The following GPR37 variants were observed in gnomAD, a reference collection of about 807,000 sequenced individuals.
GPR37 encodes prosaposin receptor GPR37.
GPR37 carries 20 observed loss-of-function variants against 43.6 expected under a neutral mutation model. The ratio of observed to expected loss-of-function variants is 0.46; its 90% confidence interval spans 0.32 to 0.67. The LOEUF (loss-of-function observed/expected upper bound fraction) is 0.67, where lower values mean the gene tolerates loss of function less well. GPR37 is among the 30% of genes least tolerant of loss of function. GPR37 has a pLI of 0.03. For missense variants in GPR37, 724 were observed against 797.2 expected, an observed-to-expected ratio of 0.91 and a Z score of 1.11; for synonymous variants, 315 against 322.6, an observed-to-expected ratio of 0.98 and a Z score of 0.25.
chr7:124,764,456 G>C lies in GPR37; in HGVS notation c.521C>G (p.Pro174Arg). 5 of 1,613,698 alleles carry C rather than the reference G, an allele frequency of 3.1e-6. No individual in the cohort carries two copies. The highest frequency in any genetic ancestry group is 3.4e-6 in the Non-Finnish European group (4 of 1,180,030). The change falls in exon 1 of 2, where the codon CCC becomes CGC. Residue 174 changes from proline to arginine, a missense_variant. Pro to Arg is a moderately radical substitution (Grantham distance 103). Coordinates refer to ENST00000303921, the MANE Select transcript of GPR37 (RefSeq NM_005302.5). The surrounding 1 kb of genome is among the most constrained non-coding windows in gnomAD (Gnocchi z 5.4). Reference protein sequence around the residue: ...RSQEQSVKTVPGASDLFYWPR... With the variant: ...RSQEQSVKTVRGASDLFYWPR... ...CCAGTAAAAAAGATCGCTGGCTCCG[G>C]GGACTGTCTTCACACTCTGCTCCTG...
At chr7:124,747,829 A>G (rs1265955639) in intron 1 of GPR37, among the ~76,000 whole-genome samples, 1 of 152,168 alleles carries the variant, frequency 6.6e-6, no homozygotes, top group African/African-American at 2.4e-5. Flanking sequence ...ATTGTCTCCA[A>G]TGGACTAAAT....
chr7:124,756,806 A>G (rs1302613347), intron 1 of GPR37, among the ~76,000 whole-genome samples: 3 of 152,192 alleles, frequency 2.0e-5, no homozygotes, highest in African/African-American at 4.8e-5. Flanking sequence ...TGTGCTTCCA[A>G]TGGGATACTG....
At position 124,765,073 on chromosome 7, in the gene GPR37, TACTC is replaced by T. The variant is rs1793904413; in HGVS notation, c.-101_-98del. Reference sequence around the variant, plus strand: ...TGCTGAGAGTTAGGCACATGTCACATACTCACCCCCGCCCGGGTAGCGGGGAACC... The same window carrying T: ...TGCTGAGAGTTAGGCACATGTCACATACCCCCGCCCGGGTAGCGGGGAACC... On this transcript the variant is annotated 5_prime_UTR_variant, in exon 1 of 2. Transcript: ENST00000303921. 10 of 1,157,004 alleles carry T rather than the reference TACTC, an allele frequency of 8.6e-6. No homozygotes were observed. Among genetic ancestry groups the T allele is most frequent in the Admixed American group, 6.8e-5 (2 of 29,514 alleles). 71.7% of individuals were successfully genotyped at this position (1,157,004 alleles called of 1,614,324 possible).
At chr7:124,763,389 TTAAAC>T (rs1442717664) in intron 1 of GPR37, among the ~76,000 whole-genome samples, 6 of 152,166 alleles carry the variant, frequency 3.9e-5, no homozygotes, top group Non-Finnish European at 8.8e-5. Flanking sequence ...AGTCAGACAC[TTAAAC>T]TAATTTGAGA....
rs1562961018 is a variant in GPR37, at chr7:124,764,521, T to A, written c.456A>T (p.Glu152Asp). Residue 152 changes from glutamate to aspartate, a missense_variant, in exon 1 of 2, where the codon GAA becomes GAT. By Grantham distance (45) the Glu-to-Asp change is conservative. Around this residue, in one of 2 missense-constraint regions of GPR37, gnomAD observed 382 missense variants for 355.4 expected, o/e 1.07. Coordinates refer to ENST00000303921, the MANE Select transcript of GPR37 (RefSeq NM_005302.5). This position sits in a 1 kb window ranked among gnomAD's most constrained non-coding sequence, Gnocchi z 5.4. ...TGCCAGCGCCTCTGGGACCCTTCTC[T>A]TCCTCCTCTGAGATCTGAAGGAAGA... ...LQLFLQISEE[E>D]EKGPRGAGIS... 8 of 1,613,598 alleles carry A rather than the reference T, an allele frequency of 5.0e-6. No individual in the cohort carries two copies. Among genetic ancestry groups the A allele is most frequent in the Non-Finnish European group, 6.8e-6 (8 of 1,180,018 alleles).
chr7:124,752,263 G>C (rs1793742504), intron 1 of GPR37, among the ~76,000 whole-genome samples: 1 of 152,098 alleles, frequency 6.6e-6, no homozygotes, highest in African/African-American at 2.4e-5. Context: ...AGAGACCACT[G>C]CATTAGCACA....
At position 124,765,243 on chromosome 7, in the gene GPR37, T is replaced by C. The variant is rs549739849; in HGVS notation, c.-267A>G. The C allele has an allele frequency of 6.0e-5, 24 of 399,306 alleles. No homozygotes were observed. The highest frequency in any genetic ancestry group is 3.7e-4 in the African/African-American group (18 of 48,458). The allele number at this position is 399,306 out of a possible 1,614,324, so 24.7% of individuals were successfully genotyped here. On this transcript the variant is annotated 5_prime_UTR_variant, in exon 1 of 2. Coordinates refer to ENST00000303921, the MANE Select transcript of GPR37 (RefSeq NM_005302.5). ...TGCCCTCCAAGGTTCCTAGAGGGAA[T>C]AGGCTACTCCCGGTGGCTGACCTTG...
At chr7:124,749,566 C>T (rs144197598) in intron 1 of GPR37, among the ~76,000 whole-genome samples, 155 of 152,260 alleles carry the variant, frequency 1.0e-3, no homozygotes, top group African/African-American at 3.1e-3. Context: ...CCCAGAGCTA[C>T]GGCAACTTGC....
rs753282554 is a variant in GPR37, at chr7:124,764,351, C to A, written c.626G>T (p.Gly209Val). 2 of 1,613,194 alleles carry A rather than the reference C, an allele frequency of 1.2e-6. No homozygotes were observed. Among genetic ancestry groups the A allele is most frequent in the Admixed American group, 1.7e-5 (1 of 60,004 alleles). The change falls in exon 1 of 2, where the codon GGG becomes GTG. Residue 209 changes from glycine (G) to valine (V), a missense_variant. By Grantham distance (109) the Gly-to-Val change is moderately radical (BLOSUM62 -3). Around this residue, in one of 2 missense-constraint regions of GPR37, gnomAD observed 382 missense variants for 355.4 expected, o/e 1.07. Transcript: ENST00000303921. This position sits in a 1 kb window ranked among gnomAD's most constrained non-coding sequence, Gnocchi z 5.4. ...CCGGCCCGGGAGTGCAATTGTCCAC[C>A]CTTCGTGCCCCGCCAGTCCATTGGC... ...KTANGLAGHE[G>V]WTIALPGRAL... is the part of the protein sequence containing the mutation.
In GPR37 at chr7:124,764,595, G is replaced by C. The variant is rs1279202889; in HGVS notation, c.382C>G (p.Gln128Glu). The change falls in exon 1 of 2, where the codon CAG (glutamine) becomes GAG (glutamate). Residue 128 changes from glutamine to glutamate, a missense_variant. Transcript: ENST00000303921. The surrounding 1 kb of genome is among the most constrained non-coding windows in gnomAD (Gnocchi z 5.4). ...CTCCCCAAAGTTTCAGAAGGCTCCT[G>C]ACCCCGAGCACCTTTCCACCTCCAG... ...GPWRWKGARG[Q>E]EPSETLGRGN... 1 of 1,607,120 alleles carries C rather than the reference G, an allele frequency of 6.2e-7. No individual in the cohort carries two copies. Among genetic ancestry groups the C allele is most frequent in the South Asian group, 1.1e-5 (1 of 90,706 alleles).
chr7:124,761,823 A>G (rs1416336038), intron 1 of GPR37, among the ~76,000 whole-genome samples: 1 of 152,230 alleles, frequency 6.6e-6, no homozygotes, highest in East Asian at 1.9e-4. Context: ...ATTTCAGAGT[A>G]ATAAGGATTA....
In GPR37 at chr7:124,746,854, T is replaced by C. The variant is rs1793677300; in HGVS notation, c.1513A>G (p.Ile505Val). ...ATGTTGCAGATATTTTCAGGAATAA[T>C]GCAAAATCCATATAAAATGGTCAGT... ...VALTILYGFC[I>V]IPENICNIVT... The change falls in exon 2 of 2, where the codon ATT becomes GTT. Residue 505 changes from isoleucine (I) to valine (V), a missense_variant. Around this residue, in one of 2 missense-constraint regions of GPR37, gnomAD observed 342 missense variants for 441.8 expected, o/e 0.77. Coordinates refer to ENST00000303921, the MANE Select transcript of GPR37 (RefSeq NM_005302.5). 17 of 1,613,974 alleles carry C rather than the reference T, an allele frequency of 1.1e-5. No individual in the cohort carries two copies. The highest frequency in any genetic ancestry group is 1.3e-5 in the African/African-American group (1 of 74,912).
In GPR37 at chr7:124,764,469, C is replaced by T. The variant is rs2116330540; in HGVS notation, c.508G>A (p.Val170Met). ...GISGRSQEQS[V>M]KTVPGASDLF... ...TCGCTGGCTCCGGGGACTGTCTTCA[C>T]ACTCTGCTCCTGGCTACGCCCGGAA... Residue 170 changes from valine to methionine, a missense_variant, in exon 1 of 2, where the codon GTG becomes ATG. Coordinates refer to ENST00000303921, the MANE Select transcript of GPR37 (RefSeq NM_005302.5). This position sits in a 1 kb window ranked among gnomAD's most constrained non-coding sequence, Gnocchi z 5.4. The T allele has an allele frequency of 6.2e-7, 1 of 1,613,716 alleles. No individual in the cohort carries two copies. Among genetic ancestry groups the T allele is most frequent in the African/African-American group, 1.3e-5 (1 of 75,064 alleles).
chr7:124,763,893 T>C, intron 1 of GPR37, 61 bp downstream of exon 1: 1 of 1,468,564 alleles, frequency 6.8e-7, no homozygotes, highest in Non-Finnish European at 9.4e-7. Context: ...AGCAGTTCTC[T>C]GATGCTATAA....
At chr7:124,760,021 A>G (rs1300333106) in intron 1 of GPR37, among the ~76,000 whole-genome samples, 1 of 152,198 alleles carries the variant, frequency 6.6e-6, no homozygotes, top group African/African-American at 2.4e-5. Context: ...GCAAAAGAGA[A>G]GCTGGGAGAG....
At chr7:124,752,425 C>T (rs1015459133) in intron 1 of GPR37, among the ~76,000 whole-genome samples, 9 of 152,130 alleles carry the variant, frequency 5.9e-5, no homozygotes, top group Non-Finnish European at 1.0e-4. Flanking sequence ...GACTATCTCC[C>T]ACCTGCTACC....
At position 124,761,531 on chromosome 7, in the gene GPR37, T is replaced by C. The variant is rs565501508; in HGVS notation, c.1023+2423A>G. 1.5e-3 allele frequency among the ~76,000 whole-genome samples: 221 copies of C among 152,272 alleles called. 1 individual carries two copies. The highest frequency in any genetic ancestry group is 5.1e-3 in the African/African-American group (213 of 41,536). ...TTGCATCACAGTTCAACTTCTCCCT[T>C]TGCCCGCCCAATCCTGCTTTCTTCT... On this transcript the variant is annotated intron_variant, in intron 1 of 1. Transcript: ENST00000303921.
Position 124,764,462 on chromosome 7 carries a change from GTCT to G in GPR37, c.512_514del (p.Lys171del). ...AAAAAGATCGCTGGCTCCGGGGACT[GTCT>G]TCACACTCTGCTCCTGGCTACGCCC... On this transcript the variant is annotated inframe_deletion, in exon 1 of 2. Coordinates refer to ENST00000303921, the MANE Select transcript of GPR37 (RefSeq NM_005302.5). This position sits in a 1 kb window ranked among gnomAD's most constrained non-coding sequence, Gnocchi z 5.4. 1 of 1,613,740 alleles carries G rather than the reference GTCT, an allele frequency of 6.2e-7. No homozygotes were observed.
At chr7:124,755,665 A>G (rs1005751806) in intron 1 of GPR37, among the ~76,000 whole-genome samples, 1 of 152,188 alleles carries the variant, frequency 6.6e-6, no homozygotes, top group Non-Finnish European at 1.5e-5. Flanking sequence ...AAGATTAGCA[A>G]CATTTTGTCT....
Sources: gnomAD v4.1 joint callset for allele counts (sites outside exome capture counted in the v4.1 genomes callset) on GRCh38, gnomAD v4.1.1 for gene constraint, gnomAD v4.1.1 regional missense constraint, Gnocchi (gnomAD v3.1) non-coding constraint, MANE v1.5 for transcripts, NCBI Gene and HGNC (gene_info 2026-07-23, HGNC 2026-07-21) for gene names.